SEMA6D: variants seen among roughly 807,000 people sequenced by gnomAD.
SEMA6D encodes the protein semaphorin 6D, also known as semaphorin-6D.
SEMA6D carries 35 observed loss-of-function variants against 106.6 expected under a neutral mutation model. The observed-to-expected ratio is 0.33, with a 90% CI of 0.25 to 0.44. The LOEUF (loss-of-function observed/expected upper bound fraction) is 0.44. SEMA6D is among the 20% of genes least tolerant of loss of function. The probability of loss-of-function intolerance (pLI) is 1.00; values close to 1 mark genes in which losing one functional copy is unlikely to be tolerated. For synonymous variants in SEMA6D, 499 were observed against 487.7 expected, an observed-to-expected ratio of 1.02 and a Z score of -0.31; for missense variants, 1,185 against 1,345.9, an observed-to-expected ratio of 0.88 and a Z score of 1.87.
chr15:47,428,888 T>C (rs1436269441), intron 2 of SEMA6D, among the ~76,000 whole-genome samples: 1 of 147,784 alleles, frequency 6.8e-6, no homozygotes, highest in Non-Finnish European at 1.5e-5. Flanking sequence ...TGTAATTGGA[T>C]AAATAGAAAA....
At chr15:47,279,652 T>C (rs1044158426) in intron 1 of SEMA6D, among the ~76,000 whole-genome samples, 8 of 152,068 alleles carry the variant, frequency 5.3e-5, no homozygotes, top group African/African-American at 1.9e-4. Context: ...ACTATGATAT[T>C]GGCTGTGGGT....
intron 3 of SEMA6D, among the ~76,000 whole-genome samples, chr15:47,584,965 G>A (rs2076312032): frequency 6.6e-6 from 1 of 152,210 alleles, no homozygotes; most frequent in East Asian, 1.9e-4. Flanking sequence ...TATTGAGGAA[G>A]TGATATTGAT....
chr15:47,283,341 C>G (rs62015691), intron 1 of SEMA6D, among the ~76,000 whole-genome samples: 2,601 of 152,258 alleles, frequency 0.017, 49 homozygotes, highest in African/African-American at 0.02. Flanking sequence ...AATTTAAACA[C>G]TCATGGAGGC....
chr15:47,565,344 G>A (rs1204642833), intron 3 of SEMA6D, among the ~76,000 whole-genome samples: 1 of 152,136 alleles, frequency 6.6e-6, no homozygotes, highest in African/African-American at 2.4e-5. Flanking sequence ...GCGGGTCTGA[G>A]TGAGTGGAGA....
intron 3 of SEMA6D, among the ~76,000 whole-genome samples, chr15:47,543,420 T>A (rs1444092046): frequency 1.3e-5 from 2 of 152,120 alleles, no homozygotes; most frequent in African/African-American, 4.8e-5. Flanking sequence ...CTGTACACAC[T>A]CTCTTGCCTG....
At chr15:47,235,570 T>C (rs1414262089) in intron 1 of SEMA6D, among the ~76,000 whole-genome samples, 2 of 152,268 alleles carry the variant, frequency 1.3e-5, no homozygotes, top group East Asian at 1.9e-4. Flanking sequence ...GTTTATTGAA[T>C]TGGGTATTCT....
intron 1 of SEMA6D, among the ~76,000 whole-genome samples, chr15:47,341,711 CACA>C (rs2037818328): frequency 6.6e-6 from 1 of 152,126 alleles, no homozygotes; most frequent in African/African-American, 2.4e-5. Context: ...GATTCTCATA[CACA>C]GTTTCAATGA....
At chr15:47,591,624 G>C (rs1566916518) in intron 3 of SEMA6D, among the ~76,000 whole-genome samples, 1 of 152,208 alleles carries the variant, frequency 6.6e-6, no homozygotes, top group Non-Finnish European at 1.5e-5. Flanking sequence ...GAGGGGCTAT[G>C]AGAGGATAGG....
At chr15:47,743,907 T>C (rs1567060674) in intron 1 of SEMA6D, among the ~76,000 whole-genome samples, 1 of 150,984 alleles carries the variant, frequency 6.6e-6, no homozygotes, top group South Asian at 2.1e-4. Flanking sequence ...TCAATGCAAA[T>C]CCATTTTGAG....
intron 1 of SEMA6D, among the ~76,000 whole-genome samples, chr15:47,361,384 G>A (rs1019984993): frequency 1.3e-5 from 2 of 152,150 alleles, no homozygotes; most frequent in Admixed American, 1.3e-4. Flanking sequence ...ATCAAAAGGG[G>A]GAAAATAGCA....
intron 1 of SEMA6D, among the ~76,000 whole-genome samples, chr15:47,300,403 T>C (rs1437390544): frequency 2.0e-5 from 3 of 150,968 alleles, no homozygotes; most frequent in African/African-American, 4.9e-5. Flanking sequence ...GTGCCTGTTA[T>C]GTGTACTGCA....
chr15:47,344,058 C>T (rs1263287590), intron 1 of SEMA6D, among the ~76,000 whole-genome samples: 3 of 152,024 alleles, frequency 2.0e-5, no homozygotes, highest in Admixed American at 1.3e-4. Context: ...GTTAGAATGG[C>T]GATCATTAAA....
intron 3 of SEMA6D, among the ~76,000 whole-genome samples, chr15:47,592,721 G>T (rs1453984863): frequency 6.6e-6 from 1 of 152,104 alleles, no homozygotes; most frequent in Non-Finnish European, 1.5e-5. Context: ...TGAAAAGATT[G>T]TAGAATTTTT....
At chr15:47,193,341 A>G (rs1288340462) in intron 1 of SEMA6D, among the ~76,000 whole-genome samples, 3 of 152,222 alleles carry the variant, frequency 2.0e-5, no homozygotes, top group Admixed American at 6.5e-5. Flanking sequence ...CACAGACATG[A>G]CACTCACAGG....
intron 1 of SEMA6D, among the ~76,000 whole-genome samples, chr15:47,395,102 A>G (rs1039831864): frequency 1.3e-5 from 2 of 152,168 alleles, no homozygotes; most frequent in Non-Finnish European, 2.9e-5. Flanking sequence ...TATCTGATCT[A>G]TAAGATTGCA....
intron 1 of SEMA6D, among the ~76,000 whole-genome samples, chr15:47,344,552 G>C (rs1232652789): frequency 6.6e-6 from 1 of 152,114 alleles, no homozygotes; most frequent in Admixed American, 6.6e-5. Flanking sequence ...CCTGTGTTGA[G>C]GATATGAAAC....
chr15:47,376,811 C>T (rs1288330784), intron 1 of SEMA6D, among the ~76,000 whole-genome samples: 1 of 152,166 alleles, frequency 6.6e-6, no homozygotes, highest in East Asian at 1.9e-4. Flanking sequence ...TCAGTTGACC[C>T]TTTGTAAATT....
intron 1 of SEMA6D, among the ~76,000 whole-genome samples, chr15:47,282,364 A>T (rs1377708561): frequency 1.3e-5 from 2 of 152,090 alleles, no homozygotes; most frequent in African/African-American, 4.8e-5. Context: ...TAGGCTTGTG[A>T]TATTAATCCT....
intron 4 of SEMA6D, among the ~76,000 whole-genome samples, chr15:47,635,364 G>C (rs1314120728): frequency 6.6e-6 from 1 of 152,144 alleles, no homozygotes; most frequent in African/African-American, 2.4e-5. Flanking sequence ...CTCTTAGGGT[G>C]TACTGGCAGA....
Sources: gnomAD v4.1 joint callset for allele counts (sites outside exome capture counted in the v4.1 genomes callset) on GRCh38, gnomAD v4.1.1 for gene constraint, MANE v1.5 for transcripts, NCBI Gene and HGNC (gene_info 2026-07-23, HGNC 2026-07-21) for gene names.